The following FAM110B variants were observed in gnomAD, a reference collection of about 807,000 sequenced individuals.
FAM110B encodes family with sequence similarity 110 member B.
A neutral mutation model predicts 20.4 loss-of-function variants in FAM110B; 6 were observed. The observed-to-expected ratio is 0.29, with a 90% CI of 0.16 to 0.58. The LOEUF is 0.58. FAM110B is among the 20% of genes least tolerant of loss of function. The pLI is 0.90. For missense variants in FAM110B, 434 were observed against 498.2 expected (o/e 0.87, Z 1.23); for synonymous variants, 226 against 214.1 (o/e 1.06, Z -0.49).
intron 1 of FAM110B, among the ~76,000 whole-genome samples, chr8:58,030,632 C>T (rs76722072): frequency 3.7e-4 from 56 of 152,226 alleles, no homozygotes; most frequent in Non-Finnish European, 7.4e-4. Context: ...TTGGTTCCTC[C>T]TATAAACCTG....
At chr8:58,009,474 A>G (rs1563495528) in intron 1 of FAM110B, among the ~76,000 whole-genome samples, 1 of 152,254 alleles carries the variant, frequency 6.6e-6, no homozygotes, top group East Asian at 1.9e-4. Flanking sequence ...GTGTAAGAAC[A>G]TGCCAGATTT....
chr8:58,107,381 G>A lies in FAM110B; in HGVS notation c.-325+31758G>A, dbSNP rs548157888. ...TTTTCATTTTAAAAGAAGGCCCACCGGGATTCTCCATCAGCAAACAGCCAA... is the reference window on the plus strand; with the variant it reads ...TTTTCATTTTAAAAGAAGGCCCACCAGGATTCTCCATCAGCAAACAGCCAA... On this transcript the variant is annotated intron_variant, in intron 3 of 3. Transcript: ENST00000519262. 2.3e-3 allele frequency among the ~76,000 whole-genome samples: 352 copies of A among 152,118 alleles called. 8 individuals are homozygous for A. Among genetic ancestry groups the A allele is most frequent in the Admixed American group, 0.022 (334 of 15,270 alleles).
intron 1 of FAM110B, among the ~76,000 whole-genome samples, chr8:58,024,396 T>C (rs1332932175): frequency 6.6e-6 from 1 of 152,142 alleles, no homozygotes; most frequent in Admixed American, 6.5e-5. Context: ...AAGGAAAATT[T>C]TCCAATTGTT....
intron 2 of FAM110B, among the ~76,000 whole-genome samples, chr8:58,071,388 C>T (rs1191982024): frequency 6.6e-6 from 1 of 152,180 alleles, no homozygotes; most frequent in Non-Finnish European, 1.5e-5. Flanking sequence ...TATTGAGTCA[C>T]CAGTCACACG....
intron 2 of FAM110B, among the ~76,000 whole-genome samples, chr8:58,060,227 C>A (rs1353210435): frequency 6.6e-6 from 1 of 152,152 alleles, no homozygotes; most frequent in Non-Finnish European, 1.5e-5. Context: ...CTCACCGTGG[C>A]TCACATTTCC....
chr8:58,056,725 C>G (rs73681780), intron 2 of FAM110B, among the ~76,000 whole-genome samples: 161 of 152,290 alleles, frequency 1.1e-3, no homozygotes, highest in African/African-American at 3.6e-3. Context: ...AATTGTCATA[C>G]TAATGCATAG....
chr8:58,108,836 G>T (rs1162932992), intron 3 of FAM110B, among the ~76,000 whole-genome samples: 1 of 152,104 alleles, frequency 6.6e-6, no homozygotes, highest in Non-Finnish European at 1.5e-5. Context: ...TACTTCCCAG[G>T]AGCTTCATTC....
At chr8:58,078,488 G>T (rs1806093236) in intron 3 of FAM110B, among the ~76,000 whole-genome samples, 1 of 150,272 alleles carries the variant, frequency 6.7e-6, no homozygotes. Flanking sequence ...TTAAGTAATT[G>T]ATAAAGTCAG....
chr8:58,113,574 T>A (rs1807118633), intron 3 of FAM110B: 2 of 175,526 alleles, frequency 1.1e-5, no homozygotes, highest in Admixed American at 1.1e-4. Flanking sequence ...TGAAATGCCA[T>A]TTTGTGGTTC....
At chr8:58,120,518 C>A (rs1394652377) in intron 3 of FAM110B, among the ~76,000 whole-genome samples, 2 of 152,306 alleles carry the variant, frequency 1.3e-5, no homozygotes, top group East Asian at 3.9e-4. Flanking sequence ...CAGGGCATTT[C>A]AGGAAGTACC....
intron 3 of FAM110B, among the ~76,000 whole-genome samples, chr8:58,092,180 C>T (rs1056947768): frequency 1.3e-5 from 2 of 152,108 alleles, no homozygotes; most frequent in Non-Finnish European, 1.5e-5. Flanking sequence ...TCATATTTTG[C>T]TGTTTATGTA....
chr8:58,142,913 T>C (rs1182966884), intron 3 of FAM110B, among the ~76,000 whole-genome samples: 1 of 152,212 alleles, frequency 6.6e-6, no homozygotes, highest in Non-Finnish European at 1.5e-5. Flanking sequence ...GCCTATCCCA[T>C]CAGTGCCTGA....
At chr8:58,100,074 T>C (rs191275308) in intron 3 of FAM110B, among the ~76,000 whole-genome samples, 162 of 152,348 alleles carry the variant, frequency 1.1e-3, no homozygotes, top group African/African-American at 3.5e-3. Context: ...TCACTCTGCC[T>C]GTCCCTTTCT....
At chr8:58,110,835 C>T (rs540994851) in intron 3 of FAM110B, among the ~76,000 whole-genome samples, 6 of 152,058 alleles carry the variant, frequency 3.9e-5, no homozygotes, top group Non-Finnish European at 8.8e-5. Flanking sequence ...CAAGGAGAGA[C>T]ACAGAAGGGG....
At chr8:58,049,015 G>A (rs1446935665) in intron 2 of FAM110B, among the ~76,000 whole-genome samples, 1 of 152,168 alleles carries the variant, frequency 6.6e-6, no homozygotes, top group Non-Finnish European at 1.5e-5. Flanking sequence ...GGACTGGTAG[G>A]ATAGATATTG....
intron 1 of FAM110B, among the ~76,000 whole-genome samples, chr8:58,010,908 A>G (rs1804521162): frequency 6.6e-6 from 1 of 152,222 alleles, no homozygotes; most frequent in South Asian, 2.1e-4. Context: ...GTCTGCTTTG[A>G]CAAATTTCCA....
At chr8:58,110,143 A>G (rs1183008922) in intron 3 of FAM110B, among the ~76,000 whole-genome samples, 3 of 152,186 alleles carry the variant, frequency 2.0e-5, no homozygotes, top group African/African-American at 7.2e-5. Flanking sequence ...TTGATTTAGT[A>G]TTCATTTTTT....
At chr8:58,000,865 T>C (rs999652067) in intron 1 of FAM110B, among the ~76,000 whole-genome samples, 10 of 152,246 alleles carry the variant, frequency 6.6e-5, no homozygotes, top group African/African-American at 2.4e-4. Context: ...CCAGTGTCCT[T>C]TCAAATGATC....
intron 2 of FAM110B, among the ~76,000 whole-genome samples, chr8:58,069,804 T>G (rs1463147665): frequency 6.6e-6 from 1 of 152,174 alleles, no homozygotes. Context: ...ACAGTATCGA[T>G]TTTATTATTT....
Sources: allele counts gnomAD v4.1 joint callset (sites outside exome capture counted in the v4.1 genomes callset), GRCh38; gene constraint gnomAD v4.1.1; transcripts MANE v1.5; gene names NCBI Gene and HGNC (gene_info 2026-07-23, HGNC 2026-07-21).